SCN9A: variants seen among roughly 807,000 people sequenced by gnomAD.
SCN9A encodes sodium channel protein type 9 subunit alpha.
A neutral mutation model predicts 187.0 loss-of-function variants in SCN9A; 131 were observed. That is an observed-to-expected ratio of 0.70 (90% CI 0.61 to 0.81). The LOEUF (loss-of-function observed/expected upper bound fraction) is 0.81. Ranked by LOEUF, SCN9A falls within the 30% of genes least tolerant of loss-of-function variation. The pLI, the probability that SCN9A is intolerant of heterozygous loss-of-function variation, is 0.00. For synonymous variants in SCN9A, 809 were observed against 808.6 expected, an observed-to-expected ratio of 1.00 and a Z score of -0.01; for missense variants, 2,252 against 2,396.6, an observed-to-expected ratio of 0.94 and a Z score of 1.26.
chr2:166,344,868 A>G (rs955981585), intron 1 of SCN9A, among the ~76,000 whole-genome samples: 7 of 152,196 alleles, frequency 4.6e-5, no homozygotes, highest in African/African-American at 7.2e-5. Flanking sequence ...TGAAACATAA[A>G]ATCCTCTGCC....
rs113669240 is a variant in SCN9A at position 166,206,429 on chromosome 2, C to G, written c.4399-1965G>C. Among the ~76,000 whole-genome samples the G allele has an allele frequency of 9.7e-3, 1,470 of 152,262 alleles. 26 individuals are homozygous for G. The highest frequency in any genetic ancestry group is 0.033 in the African/African-American group (1,362 of 41,532). On this transcript the variant is annotated intron_variant, in intron 24 of 26. Transcript: ENST00000642356. ...TATCACAAGGACGGAAAACCAAACT[C>G]TGCATGTTCTCACTCATAAGTGGGA...
intron 12 of SCN9A, among the ~76,000 whole-genome samples, chr2:166,282,558 G>C (rs1283812791): frequency 1.3e-5 from 2 of 152,042 alleles, no homozygotes; most frequent in African/African-American, 4.8e-5. Context: ...GTTCCATGCA[G>C]GCCAGAAATA....
intron 7 of SCN9A, chr2:166,301,532 T>C (rs1371015721): frequency 1.3e-5 from 2 of 150,898 alleles, no homozygotes; most frequent in Non-Finnish European, 2.9e-5. Flanking sequence ...ATAAATACTA[T>C]TTCATTGCTG....
chr2:166,244,958 GC>G (rs1336598726), intron 18 of SCN9A, among the ~76,000 whole-genome samples: 1 of 151,990 alleles, frequency 6.6e-6, no homozygotes, highest in East Asian at 1.9e-4. Flanking sequence ...TGTGTTTGTA[GC>G]CATTACTCTG....
At chr2:166,348,220 T>G (rs113739900) in intron 1 of SCN9A, among the ~76,000 whole-genome samples, 2 of 57,352 alleles carry the variant, frequency 3.5e-5, no homozygotes, top group Non-Finnish European at 1.1e-4. Flanking sequence ...TCCTACAAAC[T>G]AAGAATAGAA....
At chr2:166,305,001 G>A (rs944172828) in intron 5 of SCN9A, among the ~76,000 whole-genome samples, 1 of 152,098 alleles carries the variant, frequency 6.6e-6, no homozygotes, top group Non-Finnish European at 1.5e-5. Context: ...GCAGGTAGCA[G>A]ATGGAACTGC....
At chr2:166,252,028 C>A in intron 17 of SCN9A, 143 bp from the exon 18 acceptor site, 1 of 863,182 alleles carries the variant, frequency 1.2e-6, no homozygotes. Context: ...AATGTATAAA[C>A]ACATATTGAG....
chr2:166,266,286 A>G (rs1574833675), intron 17 of SCN9A, among the ~76,000 whole-genome samples: 1 of 151,892 alleles, frequency 6.6e-6, no homozygotes, highest in Non-Finnish European at 1.5e-5. Flanking sequence ...GCATGTGGCT[A>G]TTCAGTTTGC....
At chr2:166,311,931 TATC>T in intron 1 of SCN9A, 125 bp from the exon 2 acceptor site, 1 of 528,304 alleles carries the variant, frequency 1.9e-6, no homozygotes, top group Non-Finnish European at 3.2e-6. Flanking sequence ...GTTCTAGAAT[TATC>T]AGCTTGTTAA....
intron 24 of SCN9A, among the ~76,000 whole-genome samples, chr2:166,214,095 C>T (rs374954019): frequency 6.6e-6 from 1 of 152,026 alleles, no homozygotes; most frequent in Non-Finnish European, 1.5e-5. Flanking sequence ...AAGAGATGAA[C>T]TATATTATAA....
chr2:166,322,170 TA>T (rs1190609948), intron 1 of SCN9A, among the ~76,000 whole-genome samples: 4 of 148,178 alleles, frequency 2.7e-5, no homozygotes, highest in African/African-American at 4.8e-5. Flanking sequence ...AACACTTTTT[TA>T]AAAAAAATTT....
chr2:166,321,288 G>A (rs1272361956), intron 1 of SCN9A, among the ~76,000 whole-genome samples: 1 of 152,148 alleles, frequency 6.6e-6, no homozygotes. Flanking sequence ...CGGAGGCCAA[G>A]GCGGGTGAAT....
At chr2:166,289,110 C>CT (rs559070331) in intron 9 of SCN9A, among the ~76,000 whole-genome samples, 6 of 150,340 alleles carry the variant, frequency 4.0e-5, no homozygotes, top group South Asian at 2.1e-4. Flanking sequence ...TTTCAATTAA[C>CT]TTTTTTTTTC....
intron 1 of SCN9A, among the ~76,000 whole-genome samples, chr2:166,366,381 C>T (rs72884798): frequency 6.6e-6 from 1 of 152,030 alleles, no homozygotes; most frequent in Non-Finnish European, 1.5e-5. Flanking sequence ...AGATAATATT[C>T]TATTTTATAT....
At chr2:166,212,216 G>T (rs894735765) in intron 24 of SCN9A, among the ~76,000 whole-genome samples, 3 of 152,130 alleles carry the variant, frequency 2.0e-5, no homozygotes, top group Non-Finnish European at 4.4e-5. Context: ...AGTCTTGCAG[G>T]ACCTGTGGAT....
intron 26 of SCN9A, among the ~76,000 whole-genome samples, chr2:166,202,055 A>G (rs891059793): frequency 7.9e-5 from 12 of 151,838 alleles, no homozygotes; most frequent in African/African-American, 2.9e-4. Context: ...ATTTATAAGA[A>G]CAATTTTCTA....
chr2:166,220,884 A>G (rs1235683713), intron 24 of SCN9A, among the ~76,000 whole-genome samples: 1 of 152,208 alleles, frequency 6.6e-6, no homozygotes, highest in Non-Finnish European at 1.5e-5. Context: ...TACAGATGAC[A>G]TTATTTTATA....
chr2:166,219,917 C>T (rs1694510192), intron 24 of SCN9A, among the ~76,000 whole-genome samples: 1 of 151,968 alleles, frequency 6.6e-6, no homozygotes, highest in Non-Finnish European at 1.5e-5. Flanking sequence ...TTTTGTACCC[C>T]ATAAATAAGC....
At position 166,350,779 on chromosome 2, in the gene SCN9A, CA is replaced by C. The variant is rs1208570139; in HGVS notation, c.-51+24917del. 4.6e-5 allele frequency among the ~76,000 whole-genome samples: 7 copies of C among 152,088 alleles called. No individual in the cohort carries two copies. The East Asian group carries it at 1.4e-3, about 29-fold the overall frequency. ...AAAAGGCAAAAGGTTATTCAAAGCT[CA>C]AAAAGAACATTTTAAGTATATGTAT... On this transcript the variant is annotated intron_variant, in intron 1 of 26. Transcript: ENST00000642356.
Sources: gnomAD v4.1 joint callset for allele counts (sites outside exome capture counted in the v4.1 genomes callset) on GRCh38, gnomAD v4.1.1 for gene constraint, MANE v1.5 for transcripts, NCBI Gene and HGNC (gene_info 2026-07-23, HGNC 2026-07-21) for gene names.